CORO7: variants seen among roughly 807,000 people sequenced by gnomAD.
The protein encoded by CORO7 is coronin 7.
Under a neutral mutation model 126.6 loss-of-function variants are expected in CORO7, and 107 were observed. The observed-to-expected ratio is 0.85, with a 90% CI of 0.72 to 0.99. CORO7 has a LOEUF of 0.99. Among genes scored for constraint, CORO7 ranks in the 50% least tolerant of loss-of-function variants. CORO7 has a pLI of 0.00. For synonymous variants in CORO7, 603 were observed against 536.8 expected (o/e 1.12, Z -1.70); for missense variants, 1,314 against 1,255.8 (o/e 1.05, Z -0.70).
At chr16:4,355,417 C>T (rs2053944960) in intron 26 of CORO7, 45 bp from the exon 27 acceptor site, 1 of 1,575,876 alleles carries the variant, frequency 6.3e-7, no homozygotes, top group South Asian at 1.1e-5. Flanking sequence ...AATAGGACTC[C>T]CTGTTCCCTC....
intron 2 of CORO7, 66 bp downstream of exon 2, chr16:4,413,242 C>T: frequency 1.3e-6 from 2 of 1,485,946 alleles, no homozygotes; most frequent in Non-Finnish European, 1.8e-6. Context: ...CCCTGCTCCC[C>T]ACCCCATCTA....
At chr16:4,414,546 T>C (rs1378462270) in intron 1 of CORO7, 1 of 152,186 alleles carries the variant, frequency 6.6e-6, no homozygotes, top group Non-Finnish European at 1.5e-5. Flanking sequence ...TCACCTGCCA[T>C]GGTTACAGCA....
intron 9 of CORO7, among the ~76,000 whole-genome samples, chr16:4,367,750 A>G (rs2054392601): frequency 6.6e-6 from 1 of 152,122 alleles, no homozygotes; most frequent in Non-Finnish European, 1.5e-5. Context: ...AACAAGATGG[A>G]CAATGTGCCT....
intron 7 of CORO7, among the ~76,000 whole-genome samples, chr16:4,391,701 C>T (rs1490651262): frequency 2.0e-5 from 3 of 152,218 alleles, no homozygotes; most frequent in Non-Finnish European, 4.4e-5. Flanking sequence ...ACTGCACTCC[C>T]GCCTGGGCGA....
rs2055272667 is a variant in CORO7, at chr16:4,388,466, C to T, written c.702+79G>A. On this transcript the variant is annotated intron_variant, in intron 8 of 27. Transcript: ENST00000251166. ...AACTGGCCCTCAGTCCCCCGCCTCC[C>T]ATTGGTTTCGTCCCCGCCCAAAGGG... 16 of 1,495,242 alleles carry T rather than the reference C, an allele frequency of 1.1e-5. No individual in the cohort carries two copies. In the South Asian group the frequency reaches 1.7e-4, roughly 16 times the overall value. 92.6% of individuals were successfully genotyped at this position (1,495,242 alleles called of 1,614,324 possible).
At chr16:4,380,407 G>A (rs944270979) in intron 9 of CORO7, among the ~76,000 whole-genome samples, 4 of 152,384 alleles carry the variant, frequency 2.6e-5, no homozygotes, top group African/African-American at 4.8e-5. Context: ...GACACGGAGC[G>A]TGGCAGCAGG....
intron 9 of CORO7, among the ~76,000 whole-genome samples, chr16:4,378,529 C>T (rs1483821964): frequency 6.6e-6 from 1 of 152,142 alleles, no homozygotes; most frequent in Non-Finnish European, 1.5e-5. Context: ...CCGCACCCGC[C>T]GTCCTCTGAG....
intron 6 of CORO7, among the ~76,000 whole-genome samples, chr16:4,395,601 A>G (rs567024363): frequency 6.6e-6 from 1 of 152,304 alleles, no homozygotes; most frequent in African/African-American, 2.4e-5. Context: ...CAGCTTCCTG[A>G]GACCTGCTCC....
At chr16:4,367,822 G>C (rs1324882573) in intron 9 of CORO7, among the ~76,000 whole-genome samples, 2 of 152,084 alleles carry the variant, frequency 1.3e-5, no homozygotes, top group Non-Finnish European at 2.9e-5. Context: ...GGCTAGACGG[G>C]AAGGGGCCTG....
rs1484504823 is a variant in CORO7 at position 4,362,461 on chromosome 16, C to T, written c.1402+151G>A. 7.1e-7 allele frequency: 1 copy of T among 1,407,798 alleles called. No homozygotes were observed. The highest frequency in any genetic ancestry group is 1.4e-5 in the African/African-American group (1 of 69,146). The allele number at this position is 1,407,798 out of a possible 1,614,324, so 87.2% of individuals were successfully genotyped here. On this transcript the variant is annotated intron_variant, in intron 15 of 27. Coordinates refer to ENST00000251166, the MANE Select transcript of CORO7 (RefSeq NM_024535.5). This position sits in a 1 kb window ranked among gnomAD's most constrained non-coding sequence, Gnocchi z 5.3. ...GAGACTCAGCCACCACACCCCAGCC[C>T]CCAGGACAAATGACCCTGCCAGTGA...
In CORO7 at chr16:4,361,867, C is replaced by T. The variant is rs962259910; in HGVS notation, c.1578+118G>A. The T allele has an allele frequency of 3.6e-5, 52 of 1,463,314 alleles. No homozygotes were observed. In the Middle Eastern group the frequency reaches 1.5e-3, roughly 43 times the overall value. 90.6% of individuals were successfully genotyped at this position (1,463,314 alleles called of 1,614,324 possible). A position where few individuals can be genotyped will look rare whatever the true frequency, so the allele number is the denominator to read the frequency against. Reference sequence around the variant, plus strand: ...GTGGCTGGGAGGATCACAGGACAGGCGGGCAGGAGCCTGACACAAGGTTTG... The same window carrying T: ...GTGGCTGGGAGGATCACAGGACAGGTGGGCAGGAGCCTGACACAAGGTTTG... On this transcript the variant is annotated intron_variant, in intron 16 of 27. Coordinates refer to ENST00000251166, the MANE Select transcript of CORO7 (RefSeq NM_024535.5).
intron 6 of CORO7, among the ~76,000 whole-genome samples, chr16:4,398,615 G>A (rs1333810890): frequency 6.7e-6 from 1 of 149,326 alleles, no homozygotes; most frequent in Non-Finnish European, 1.5e-5. Flanking sequence ...GCAGTGAACC[G>A]AGATCATGCC....
chr16:4,360,229 G>C, intron 21 of CORO7, 49 bp downstream of exon 21: 4 of 1,610,360 alleles, frequency 2.5e-6, no homozygotes, highest in Non-Finnish European at 3.4e-6. Flanking sequence ...GGAGAAGGGG[G>C]ACACAGGTGG....
chr16:4,371,677 G>C (rs893241801), intron 9 of CORO7, among the ~76,000 whole-genome samples: 6 of 152,268 alleles, frequency 3.9e-5, no homozygotes, highest in African/African-American at 1.4e-4. Flanking sequence ...TCCCCGCGCA[G>C]GTCAGGTGGC....
At chr16:4,404,052 A>T (rs925733714) in intron 6 of CORO7, among the ~76,000 whole-genome samples, 37 of 152,122 alleles carry the variant, frequency 2.4e-4, no homozygotes, top group Admixed American at 3.3e-4. Context: ...CTCTCTGCTC[A>T]ACGCACACCA....
intron 9 of CORO7, among the ~76,000 whole-genome samples, chr16:4,369,921 G>A (rs1365789084): frequency 6.6e-6 from 1 of 152,110 alleles, no homozygotes; most frequent in East Asian, 1.9e-4. Context: ...GTGGCACCTT[G>A]AAACCATACA....
intron 9 of CORO7, among the ~76,000 whole-genome samples, chr16:4,368,925 G>A (rs1293005076): frequency 1.3e-5 from 2 of 152,222 alleles, no homozygotes; most frequent in Non-Finnish European, 2.9e-5. Context: ...CTGAGGGCAA[G>A]TAGGATAGGC....
In CORO7 at chr16:4,388,604, C is replaced by A. The variant is rs149365025; in HGVS notation, c.643G>T (p.Asp215Tyr). 1 of 1,612,802 alleles carries A rather than the reference C, an allele frequency of 6.2e-7. No homozygotes were observed. The highest frequency in any genetic ancestry group is 1.3e-5 in the African/African-American group (1 of 74,950). The change falls in exon 8 of 28, where the codon GAT becomes TAT. Residue 215 changes from aspartate to tyrosine, a missense_variant. By Grantham distance (160) the Asp-to-Tyr change is radical. Transcript: ENST00000251166. ...QSTQAHENSR[D>Y]SRLAWMGTWE... Reference sequence around the variant, plus strand: ...GTGCCCATCCATGCCAGCCGGCTATCCCTGCTGTTCTCATGGGCCTGCGTG... The same window carrying A: ...GTGCCCATCCATGCCAGCCGGCTATACCTGCTGTTCTCATGGGCCTGCGTG...
intron 5 of CORO7, among the ~76,000 whole-genome samples, chr16:4,405,820 C>CCA (rs879648481): frequency 0.024 from 3,589 of 152,314 alleles, 67 homozygotes; most frequent in Non-Finnish European, 0.034. Context: ...TGGCCTGGCT[C>CCA]TCTCATCCCT....
Sources: gnomAD v4.1 joint callset for allele counts (sites outside exome capture counted in the v4.1 genomes callset) on GRCh38, gnomAD v4.1.1 for gene constraint, Gnocchi (gnomAD v3.1) non-coding constraint, MANE v1.5 for transcripts, NCBI Gene and HGNC (gene_info 2026-07-23, HGNC 2026-07-21) for gene names.